Variants in SBF1 observed in about 807,000 individuals in gnomAD.
The protein encoded by SBF1 is SET binding factor 1, also known as myotubularin-related protein 5.
In SBF1, 65 loss-of-function variants were observed where a neutral mutation model predicts 215.8. That is an observed-to-expected ratio of 0.30 (90% CI 0.25 to 0.37). SBF1 has a LOEUF of 0.37. Ranked by LOEUF, SBF1 falls within the 10% of genes least tolerant of loss-of-function variation. The pLI, the probability that SBF1 is intolerant of heterozygous loss-of-function variation, is 1.00. For missense variants in SBF1, 2,634 were observed against 2,667.8 expected, an observed-to-expected ratio of 0.99 and a Z score of 0.28; for synonymous variants, 1,410 against 1,122.8, an observed-to-expected ratio of 1.26 and a Z score of -5.11.
At position 50,468,363 on chromosome 22, in the gene SBF1, GCCC is replaced by G. The variant is rs552527272; in HGVS notation, c.141+10_141+12del. On this transcript the variant is annotated intron_variant, in intron 2 of 40. Coordinates refer to ENST00000380817, the MANE Select transcript of SBF1 (RefSeq NM_002972.4). ...CCACCTGCCAGCACCGTCTCAGCAC[GCCC>G]CCAACTCACCAGCTCGATGCCCTGG... is the stretch of plus-strand genomic sequence containing the variant. The G allele has an allele frequency of 3.3e-4, 539 of 1,610,610 alleles. 2 individuals are homozygous for G. In the African/African-American group the frequency reaches 6.0e-3, roughly 18 times the overall value.
chr22:50,454,443 G>A (rs1034720051), intron 36 of SBF1, 69 bp downstream of exon 36: 17 of 1,359,728 alleles, frequency 1.3e-5, no homozygotes, highest in African/African-American at 7.1e-5. Flanking sequence ...ACACACACAC[G>A]CACGACCCTG....
At chr22:50,474,027 G>A (rs916672705) in intron 1 of SBF1, among the ~76,000 whole-genome samples, 3 of 152,286 alleles carry the variant, frequency 2.0e-5, no homozygotes. Flanking sequence ...TGTTGCTGAT[G>A]TCATCGTCAG....
chr22:50,451,915 G>C lies in SBF1; in HGVS notation c.5043+2597C>G, dbSNP rs571622147. Among the ~76,000 whole-genome samples, 481 of 151,354 alleles carry C rather than the reference G, an allele frequency of 3.2e-3. 1 individual carries two copies. Among genetic ancestry groups the C allele is most frequent in the African/African-American group, 0.011 (455 of 41,168 alleles). On this transcript the variant is annotated intron_variant, in intron 36 of 40. Coordinates refer to ENST00000380817, the MANE Select transcript of SBF1 (RefSeq NM_002972.4). ...GGGTTGAAGCGATTCTCCTGCCTCAGCCTCCTGAGTAGCTGGGATTACAGG... is the reference window on the plus strand; with the variant it reads ...GGGTTGAAGCGATTCTCCTGCCTCACCCTCCTGAGTAGCTGGGATTACAGG...
chr22:50,453,294 C>T (rs2067119200), intron 36 of SBF1, among the ~76,000 whole-genome samples: 1 of 152,216 alleles, frequency 6.6e-6, no homozygotes, highest in Non-Finnish European at 1.5e-5. Flanking sequence ...AGACAATGAG[C>T]ATCGCTAGAG....
intron 26 of SBF1, 109 bp from the exon 27 acceptor site, chr22:50,459,775 TC>T: frequency 7.3e-7 from 1 of 1,364,490 alleles, no homozygotes. Flanking sequence ...AGGAGGCGCT[TC>T]CAGCTCAGCC....
chr22:50,466,081 A>G lies in SBF1; in HGVS notation c.898-7T>C. 1 of 1,613,564 alleles carries G rather than the reference A, an allele frequency of 6.2e-7. No individual in the cohort carries two copies. Among genetic ancestry groups the G allele is most frequent in the Non-Finnish European group, 8.5e-7 (1 of 1,179,962 alleles). ...CAGCAACAATCACATCGAGCTGCGG[A>G]CCAAGGGAGCCGGCAGTCAGGGACC... On this transcript the variant is annotated splice_polypyrimidine_tract_variant and splice_region_variant and intron_variant, in intron 8 of 40. Coordinates refer to ENST00000380817, the MANE Select transcript of SBF1 (RefSeq NM_002972.4).
chr22:50,455,554 A>G lies in SBF1; in HGVS notation c.4295T>C (p.Leu1432Pro). The G allele has an allele frequency of 6.3e-7, 1 of 1,591,440 alleles. No individual in the cohort carries two copies. Among genetic ancestry groups the G allele is most frequent in the Non-Finnish European group, 8.6e-7 (1 of 1,169,152 alleles). The change falls in exon 32 of 41, where the codon CTG becomes CCG. Residue 1432 changes from leucine (L) to proline (P), a missense_variant. Physicochemically the swap from Leu to Pro is moderately conservative, Grantham distance 98. Coordinates refer to ENST00000380817, the MANE Select transcript of SBF1 (RefSeq NM_002972.4). ...QIHKLLQVSV[L>P]VVELLDSGSS... ...GCCTGAATCCAGGAGCTCCACCACC[A>G]GCACAGACACCTGCAGCAGCTTGTG...
Position 50,474,917 on chromosome 22 carries a change from C to T in SBF1, c.-77G>A. The T allele has an allele frequency of 9.3e-7, 1 of 1,071,428 alleles. No individual in the cohort carries two copies. Among genetic ancestry groups the T allele is most frequent in the African/African-American group, 1.7e-5 (1 of 58,546 alleles). 66.4% of individuals were successfully genotyped at this position (1,071,428 alleles called of 1,614,324 possible). On this transcript the variant is annotated 5_prime_UTR_variant, in exon 1 of 41. Transcript: ENST00000380817. ...GGACTCGAGGACGGCGCGCTCATGG[C>T]CCGGCCCCGGCCCTGGACCGCGCAC...
rs1233887923 is a variant in SBF1, at chr22:50,460,193, G to A, written c.3284-34C>T. 4 of 1,605,808 alleles carry A rather than the reference G, an allele frequency of 2.5e-6. No homozygotes were observed. The African/African-American group carries it at 4.0e-5, about 16-fold the overall frequency. ...GCCGGGCACACGTGGTCATCACGGG[G>A]CCACTCCGCCTGCCCTGATCCTCCC... On this transcript the variant is annotated intron_variant, in intron 25 of 40. Transcript: ENST00000380817.
rs2066831618 is a variant in SBF1 at position 50,446,690 on chromosome 22, G to C, written c.*452C>G. On this transcript the variant is annotated 3_prime_UTR_variant, in exon 41 of 41. Coordinates refer to ENST00000380817, the MANE Select transcript of SBF1 (RefSeq NM_002972.4). The stretch of plus-strand genomic sequence containing the variant: ...CTGGGTGGACCCAGGCACCAGGAGA[G>C]GCTCACGAGAAAGATGCCAACCTCC... 2.5e-6 allele frequency: 1 copy of C among 392,422 alleles called. No individual in the cohort carries two copies. The highest frequency in any genetic ancestry group is 5.1e-6 in the Non-Finnish European group (1 of 196,254). 24.3% of individuals were successfully genotyped at this position (392,422 alleles called of 1,614,324 possible).
chr22:50,463,455 C>A (rs760942287), intron 15 of SBF1, 23 bp from the exon 16 acceptor site: 4 of 1,544,948 alleles, frequency 2.6e-6, no homozygotes, highest in Non-Finnish European at 3.5e-6. Context: ...AAAGGAGACA[C>A]GGGCTGAGGG....
In SBF1 at chr22:50,447,000, G is replaced by A. The variant is rs572970807; in HGVS notation, c.*142C>T. ...CGGCCGGGCGGGGCGGGGCGGGGAC[G>A]GGGGCTGTACACACAAGTGCTGGGG... On this transcript the variant is annotated 3_prime_UTR_variant, in exon 41 of 41. Transcript: ENST00000380817. The A allele has an allele frequency of 6.1e-4, 474 of 778,090 alleles. 1 individual carries two copies. The African/African-American group carries it at 6.3e-3, about 10-fold the overall frequency. The allele number at this position is 778,090 out of a possible 1,614,324, so 48.2% of individuals were successfully genotyped here.
At chr22:50,465,874 C>G (rs2067729645) in intron 9 of SBF1, 34 bp from the exon 10 acceptor site, 2 of 1,612,304 alleles carry the variant, frequency 1.2e-6, no homozygotes, top group South Asian at 1.1e-5. Flanking sequence ...CAGCTGCACG[C>G]TGGCCCCGGC....
At chr22:50,455,608 C>T (rs1460208283) in intron 31 of SBF1, 26 bp from the exon 32 acceptor site, 2 of 1,546,026 alleles carry the variant, frequency 1.3e-6, no homozygotes, top group Non-Finnish European at 1.8e-6. Context: ...GCCTCAGCAC[C>T]TCGGGGACCC....
chr22:50,465,254 G>A lies in SBF1; in HGVS notation c.1164C>T (p.Val388=), dbSNP rs376600058. ...TGACAGGCTCCGGGTGGATGCGCACGACGTGCAGGCACCAGCGATAGCCCT... is the reference window on the plus strand; with the variant it reads ...TGACAGGCTCCGGGTGGATGCGCACAACGTGCAGGCACCAGCGATAGCCCT... ...LLQGYRWCLH[V]VRIHPEPVIR... is the part of the protein sequence containing the mutation. The change falls in exon 11 of 41, where the codon GTC becomes GTT. Residue 388 remains valine, a synonymous_variant. Transcript: ENST00000380817. 2.3e-4 allele frequency: 373 copies of A among 1,611,988 alleles called. 1 individual carries two copies. The highest frequency in any genetic ancestry group is 3.7e-4 in the South Asian group (34 of 90,782).
Position 50,465,127 on chromosome 22 carries a change from T to C in SBF1, c.1206A>G (p.Ala402=), listed in dbSNP as rs1390401002. 4 of 1,613,902 alleles carry C rather than the reference T, an allele frequency of 2.5e-6. No individual in the cohort carries two copies. The African/African-American group carries it at 5.3e-5, about 22-fold the overall frequency. The part of the protein sequence containing the change: ...HPEPVIRFHK[A]AFLGQRGLVE... ...CCAGCCCACGCTGGCCCAGGAAGGC[T>C]GCCTGGATGACAGAAGGAGGTCGGT... The change falls in exon 12 of 41, where the codon GCA becomes GCG. Residue 402 remains alanine, a splice_region_variant and synonymous_variant. Transcript: ENST00000380817.
At position 50,460,538 on chromosome 22, in the gene SBF1, G is replaced by A. The variant is rs374604193; in HGVS notation, c.3142C>T (p.Leu1048Phe). 46 of 1,613,920 alleles carry A rather than the reference G, an allele frequency of 2.9e-5. No homozygotes were observed. Among genetic ancestry groups the A allele is most frequent in the Non-Finnish European group, 3.6e-5 (42 of 1,179,986 alleles). Residue 1048 changes from leucine to phenylalanine, a missense_variant, in exon 24 of 41, where the codon CTC (leucine) becomes TTC (phenylalanine). Coordinates refer to ENST00000380817, the MANE Select transcript of SBF1 (RefSeq NM_002972.4). Reference sequence around the variant, plus strand: ...GCCTGGGACCCAGATCCATACCTGAGGGAAGGACCCTTGTCCTTGGTGACT... The same window carrying A: ...GCCTGGGACCCAGATCCATACCTGAAGGAAGGACCCTTGTCCTTGGTGACT... ...PRVTKDKGPS[L>F]RTLSRNLVKN...
In SBF1 at chr22:50,470,028, C is replaced by A. The variant is rs568714398; in HGVS notation, c.56-1567G>T. 3.3e-5 allele frequency among the ~76,000 whole-genome samples: 5 copies of A among 152,040 alleles called. No individual in the cohort carries two copies. The East Asian group carries it at 7.7e-4, about 23-fold the overall frequency. On this transcript the variant is annotated intron_variant, in intron 1 of 40. Transcript: ENST00000380817. ...CCACCGACACCCTGCAGAGGACAGG[C>A]GGCAGACGGGTGGGGGCCCAGGTGT...
chr22:50,457,806 C>T (rs938787889), intron 28 of SBF1, among the ~76,000 whole-genome samples: 4 of 152,226 alleles, frequency 2.6e-5, no homozygotes, highest in African/African-American at 4.8e-5. Flanking sequence ...GGCTCACCTG[C>T]TTCTGCAAGG....
Sources: gnomAD v4.1 joint callset for allele counts (sites outside exome capture counted in the v4.1 genomes callset) on GRCh38, gnomAD v4.1.1 for gene constraint, MANE v1.5 for transcripts, NCBI Gene and HGNC (gene_info 2026-07-23, HGNC 2026-07-21) for gene names.